NMBR: variants seen among roughly 807,000 people sequenced by gnomAD.
The protein encoded by NMBR is neuromedin B receptor.
In NMBR, 16 loss-of-function variants were observed where a neutral mutation model predicts 20.5. The observed-to-expected ratio is 0.78, with a 90% CI of 0.53 to 1.19. NMBR has a LOEUF of 1.19. Ranked by LOEUF, NMBR falls within the 50% of genes most tolerant of loss-of-function variation. The pLI, the probability that NMBR is intolerant of heterozygous loss-of-function variation, is 0.00. For synonymous variants in NMBR, 212 were observed against 196.6 expected, an observed-to-expected ratio of 1.08 and a Z score of -0.65; for missense variants, 582 against 499.1, an observed-to-expected ratio of 1.17 and a Z score of -1.58.
chr6:142,135,067 G>T (rs2114610436), intron 1 of NMBR: 4 of 391,140 alleles, frequency 1.0e-5, no homozygotes, highest in Non-Finnish European at 1.8e-5. Context: ...TGGTTGTAAG[G>T]TAAGGATTCT....
chr6:142,139,757 A>G (rs1328924713), intron 1 of NMBR, among the ~76,000 whole-genome samples: 6 of 152,264 alleles, frequency 3.9e-5, no homozygotes. Flanking sequence ...TCATTTTATT[A>G]GTAACTATAT....
At chr6:142,091,948 C>T (rs78896667) in intron 1 of NMBR, among the ~76,000 whole-genome samples, 1,970 of 152,102 alleles carry the variant, frequency 0.013, 49 homozygotes, top group African/African-American at 0.045. Context: ...AAATTTAAAC[C>T]AATTTTGTAA....
intron 1 of NMBR, among the ~76,000 whole-genome samples, chr6:142,090,270 T>C (rs1277158962): frequency 6.6e-6 from 1 of 152,082 alleles, no homozygotes; most frequent in Non-Finnish European, 1.5e-5. Context: ...AACAATTGAA[T>C]AATAACAATG....
chr6:142,121,873 C>T (rs1295978377), intron 1 of NMBR, among the ~76,000 whole-genome samples: 2 of 151,890 alleles, frequency 1.3e-5, no homozygotes, highest in Non-Finnish European at 2.9e-5. Context: ...GCCCAAGCTG[C>T]AAAATTCTAG....
At chr6:142,089,877 A>C (rs1331370193) in intron 1 of NMBR, among the ~76,000 whole-genome samples, 1 of 152,208 alleles carries the variant, frequency 6.6e-6, no homozygotes, top group African/African-American at 2.4e-5. Flanking sequence ...ATTTGAATAA[A>C]TCCCAGGTGT....
chr6:142,100,217 C>G (rs946893227), intron 1 of NMBR, among the ~76,000 whole-genome samples: 3 of 152,048 alleles, frequency 2.0e-5, no homozygotes, highest in Non-Finnish European at 4.4e-5. Context: ...TCCTGTTTAC[C>G]CAAAATATTT....
chr6:142,117,264 G>A (rs752409125), intron 1 of NMBR, among the ~76,000 whole-genome samples: 7 of 151,836 alleles, frequency 4.6e-5, no homozygotes, highest in Non-Finnish European at 7.4e-5. Context: ...ACTCCAAAAA[G>A]TCAAATAATT....
At chr6:142,077,395 T>G (rs979158803) in intron 3 of NMBR, among the ~76,000 whole-genome samples, 1 of 152,178 alleles carries the variant, frequency 6.6e-6, no homozygotes, top group Non-Finnish European at 1.5e-5. Flanking sequence ...AAATACCTAA[T>G]TGAGATACAC....
intron 1 of NMBR, among the ~76,000 whole-genome samples, chr6:142,108,689 C>A (rs1208965140): frequency 6.6e-6 from 1 of 152,108 alleles, no homozygotes; most frequent in African/African-American, 2.4e-5. Flanking sequence ...ATTATGGGAA[C>A]TACAATTCAA....
At chr6:142,127,288 A>G (rs568506735) in intron 1 of NMBR, among the ~76,000 whole-genome samples, 31 of 152,106 alleles carry the variant, frequency 2.0e-4, no homozygotes, top group Admixed American at 1.7e-3. Context: ...CTTGTTGAAG[A>G]TAAGTTGACC....
intron 3 of NMBR, 36 bp downstream of exon 3, chr6:142,078,519 G>T: frequency 1.7e-6 from 2 of 1,205,082 alleles, no homozygotes; most frequent in Non-Finnish European, 2.4e-6. Flanking sequence ...TACTTGTTCT[G>T]ACCACACACC....
chr6:142,125,826 A>G (rs1207336713), intron 1 of NMBR, among the ~76,000 whole-genome samples: 1 of 151,838 alleles, frequency 6.6e-6, no homozygotes, highest in Non-Finnish European at 1.5e-5. Context: ...GCTAATTGAC[A>G]TATCCATCGC....
At chr6:142,122,740 T>C (rs1777965676) in intron 1 of NMBR, among the ~76,000 whole-genome samples, 1 of 151,912 alleles carries the variant, frequency 6.6e-6, no homozygotes. Flanking sequence ...CTGCATTCTA[T>C]AAATAGAATC....
chr6:142,122,147 G>A (rs148478509), intron 1 of NMBR, among the ~76,000 whole-genome samples: 2 of 151,936 alleles, frequency 1.3e-5, no homozygotes, highest in African/African-American at 4.8e-5. Context: ...TCCTTTCACC[G>A]CATTTTGTCC....
At chr6:142,098,371 G>T (rs1042142240) in intron 1 of NMBR, among the ~76,000 whole-genome samples, 15 of 152,134 alleles carry the variant, frequency 9.9e-5, no homozygotes, top group African/African-American at 2.4e-4. Context: ...GATATTGATT[G>T]TGAAGGAAGA....
At chr6:142,110,379 A>C in intron 1 of NMBR, among the ~76,000 whole-genome samples, 1 of 152,236 alleles carries the variant, frequency 6.6e-6, no homozygotes, top group Non-Finnish European at 1.5e-5. Flanking sequence ...ACAATGGAAT[A>C]TTGGATGGCA....
At chr6:142,138,652 C>G (rs1778313575) in intron 1 of NMBR, among the ~76,000 whole-genome samples, 1 of 152,052 alleles carries the variant, frequency 6.6e-6, no homozygotes, top group South Asian at 2.1e-4. Context: ...TTTAAATTCT[C>G]TATAGATAAC....
rs759502282 is a variant in NMBR at position 142,088,704 on chromosome 6, T to G, written c.-46A>C. The G allele has an allele frequency of 1.3e-6, 2 of 1,542,236 alleles. No individual in the cohort carries two copies. Among genetic ancestry groups the G allele is most frequent in the African/African-American group, 1.4e-5 (1 of 73,342 alleles). On this transcript the variant is annotated 5_prime_UTR_variant, in exon 2 of 4. Coordinates refer to ENST00000258042, the MANE Select transcript of NMBR (RefSeq NM_002511.4). Reference sequence around the variant, plus strand: ...CCGCTGGAGTTTTCACGCGCTCCGGTGCCCTGAGGACTGAACGCCCACGAT... The same window carrying G: ...CCGCTGGAGTTTTCACGCGCTCCGGGGCCCTGAGGACTGAACGCCCACGAT...
chr6:142,129,487 G>A (rs1465463788), intron 1 of NMBR, among the ~76,000 whole-genome samples: 1 of 151,910 alleles, frequency 6.6e-6, no homozygotes, highest in Non-Finnish European at 1.5e-5. Context: ...GTCTTTCTGG[G>A]GTTCACTCCC....
Sources: gnomAD v4.1 joint callset for allele counts (sites outside exome capture counted in the v4.1 genomes callset) on GRCh38, gnomAD v4.1.1 for gene constraint, MANE v1.5 for transcripts, NCBI Gene and HGNC (gene_info 2026-07-23, HGNC 2026-07-21) for gene names.